TENM3: variants seen among roughly 807,000 people sequenced by gnomAD.
TENM3 encodes teneurin transmembrane protein 3.
TENM3 carries 63 observed loss-of-function variants against 255.1 expected under a neutral mutation model. The observed-to-expected ratio is 0.25, with a 90% confidence interval of 0.20 to 0.30. TENM3 has a LOEUF of 0.30. Among genes scored for constraint, TENM3 ranks in the 10% least tolerant of loss-of-function variants. The pLI is 1.00. For synonymous variants in TENM3, 1,306 were observed against 1,322.3 expected, an observed-to-expected ratio of 0.99 and a Z score of 0.27; for missense variants, 2,929 against 3,461.1, an observed-to-expected ratio of 0.85 and a Z score of 3.86.
the TENM3 span, among the ~76,000 whole-genome samples, chr4:182,075,056 T>C: frequency 6.6e-6 from 1 of 152,246 alleles, no homozygotes; most frequent in South Asian, 2.1e-4. Context: ...TGGGGCCAAC[T>C]CCACACCGCA....
Position 182,501,373 on chromosome 4 carries a change from T to TGG in TENM3, c.512-99541_512-99540dup, listed in dbSNP as rs57346256. Among the ~76,000 whole-genome samples, 1,332 of 134,944 alleles carry TGG rather than the reference T, an allele frequency of 9.9e-3. 33 individuals are homozygous for TGG. Among genetic ancestry groups the TGG allele is most frequent in the African/African-American group, 0.033 (1,193 of 35,638 alleles). The allele number at this position is 134,944 out of a possible 152,430, so 88.5% of individuals were successfully genotyped here. ...AAATAGTTAAAGCTATGTCTAAAAG[T>TGG]GGGGGGGGGGGTTGGCAATTAATCT... On this transcript the variant is annotated intron_variant, in intron 3 of 27. Transcript: ENST00000511685.
chr4:181,921,739 C>T, the TENM3 span, among the ~76,000 whole-genome samples: 1 of 152,232 alleles, frequency 6.6e-6, no homozygotes, highest in East Asian at 1.9e-4. Flanking sequence ...CTTCTCCTGA[C>T]TAATTGCCCT....
chr4:181,511,435 G>A, the TENM3 span, among the ~76,000 whole-genome samples: 1 of 152,134 alleles, frequency 6.6e-6, no homozygotes, highest in African/African-American at 2.4e-5. Flanking sequence ...TGGAGGAGGA[G>A]GACAGAAGGA....
intron 3 of TENM3, among the ~76,000 whole-genome samples, chr4:182,449,235 C>CT (rs773105877): frequency 0.45 from 59,615 of 133,058 alleles, 12,172 homozygotes; most frequent in South Asian, 0.49. Flanking sequence ...GGCGGCTCCG[C>CT]TCTTCTCCCT....
the TENM3 span, among the ~76,000 whole-genome samples, chr4:182,100,568 T>TATATACACAC: frequency 1.7e-4 from 20 of 120,884 alleles, no homozygotes; most frequent in African/African-American, 7.0e-4. Flanking sequence ...TATACACACA[T>TATATACACAC]ATATATACAC....
Position 182,602,028 on chromosome 4 carries a change from G to A in TENM3, c.749+867G>A, listed in dbSNP as rs369826257. On this transcript the variant is annotated intron_variant, in intron 4 of 27. Coordinates refer to ENST00000511685, the MANE Select transcript of TENM3 (RefSeq NM_001080477.4). ...CTGCTCATACAAAAGTATGATCAGC[G>A]AAAGCTGTTTTGAGCTAATCCATTT... is the stretch of plus-strand genomic sequence containing the variant. 7.9e-5 allele frequency among the ~76,000 whole-genome samples: 12 copies of A among 152,340 alleles called. No homozygotes were observed. The South Asian group carries it at 1.0e-3, about 13-fold the overall frequency.
intron 6 of TENM3, among the ~76,000 whole-genome samples, chr4:182,669,228 T>C (rs1289718220): frequency 6.6e-6 from 1 of 150,892 alleles, no homozygotes; most frequent in Non-Finnish European, 1.5e-5. Flanking sequence ...TTATGAATTA[T>C]AACATAAAGA....
At chr4:182,696,344 G>A (rs1165945624) in intron 12 of TENM3, among the ~76,000 whole-genome samples, 2 of 151,966 alleles carry the variant, frequency 1.3e-5, no homozygotes, top group Non-Finnish European at 2.9e-5. Context: ...TACAAAAATC[G>A]TTGTCATATA....
the TENM3 span, among the ~76,000 whole-genome samples, chr4:181,603,692 C>T: frequency 5.3e-5 from 8 of 152,306 alleles, no homozygotes; most frequent in South Asian, 2.1e-4. Flanking sequence ...ATAGAAGCTG[C>T]TTTGATAAGT....
chr4:181,869,574 C>A, the TENM3 span, among the ~76,000 whole-genome samples: 1 of 152,000 alleles, frequency 6.6e-6, no homozygotes, highest in Admixed American at 6.6e-5. Flanking sequence ...CACATTCATG[C>A]CAGCATCAAA....
At chr4:182,383,474 TA>T (rs1304696492) in intron 3 of TENM3, among the ~76,000 whole-genome samples, 3 of 147,324 alleles carry the variant, frequency 2.0e-5, no homozygotes, top group Non-Finnish European at 1.5e-5. Flanking sequence ...TATTTTTATT[TA>T]TTTTTTTAAA....
intron 7 of TENM3, among the ~76,000 whole-genome samples, chr4:182,675,434 A>C (rs1017381608): frequency 2.6e-5 from 4 of 151,936 alleles, no homozygotes; most frequent in African/African-American, 9.7e-5. Flanking sequence ...CCAGCTACTC[A>C]GGAGGCTGAG....
the TENM3 span, among the ~76,000 whole-genome samples, chr4:181,585,047 C>T: frequency 6.8e-6 from 1 of 147,760 alleles, no homozygotes; most frequent in Non-Finnish European, 1.5e-5. Flanking sequence ...CATCCAATTA[C>T]TTACCCAAAC....
the TENM3 span, among the ~76,000 whole-genome samples, chr4:181,827,274 G>C: frequency 0.97 from 147,150 of 152,252 alleles, 71,329 homozygotes; most frequent in East Asian, 1. Context: ...GGTGATTCGT[G>C]AAATATAATA....
chr4:182,557,887 G>C (rs1201088075), intron 3 of TENM3, among the ~76,000 whole-genome samples: 1 of 152,126 alleles, frequency 6.6e-6, no homozygotes, highest in East Asian at 1.9e-4. Context: ...ATTTCCTTCT[G>C]AGTAAATATA....
At chr4:182,334,154 G>A (rs1457851299) in intron 2 of TENM3, among the ~76,000 whole-genome samples, 1 of 127,086 alleles carries the variant, frequency 7.9e-6, no homozygotes, top group African/African-American at 3.3e-5. Flanking sequence ...AATATCTACT[G>A]CTTGGAAGTC....
rs77757808 is a variant in TENM3, at chr4:182,633,363, C to A, written c.988+4474C>A. 2.6e-4 allele frequency among the ~76,000 whole-genome samples: 39 copies of A among 152,314 alleles called. 1 individual carries two copies. In the East Asian group the frequency reaches 7.5e-3, roughly 29 times the overall value. On this transcript the variant is annotated intron_variant, in intron 5 of 27. Transcript: ENST00000511685. Reference sequence around the variant, plus strand: ...GTCCAAATTAGCTCTTCATTCTAGACGCTCATAGTCAAGTGATGAGGACGT... The same window carrying A: ...GTCCAAATTAGCTCTTCATTCTAGAAGCTCATAGTCAAGTGATGAGGACGT...
At chr4:182,529,377 G>T (rs1164627394) in intron 3 of TENM3, among the ~76,000 whole-genome samples, 1 of 152,082 alleles carries the variant, frequency 6.6e-6, no homozygotes, top group African/African-American at 2.4e-5. Flanking sequence ...GTTCAACATC[G>T]ATTTTTCATT....
the TENM3 span, among the ~76,000 whole-genome samples, chr4:181,645,187 A>C: frequency 6.6e-6 from 1 of 152,208 alleles, no homozygotes; most frequent in Non-Finnish European, 1.5e-5. Flanking sequence ...AAAAATCTCC[A>C]ATAGGGAGAG....
Sources: allele counts gnomAD v4.1 joint callset (sites outside exome capture counted in the v4.1 genomes callset), GRCh38; gene constraint gnomAD v4.1.1; transcripts MANE v1.5; gene names NCBI Gene and HGNC (gene_info 2026-07-23, HGNC 2026-07-21).